ZNF892: variants seen among roughly 807,000 people sequenced by gnomAD.
The protein encoded by ZNF892 is zinc finger protein 892.
the ZNF892 span, among the ~76,000 whole-genome samples, chr2:95,234,419 C>A: frequency 6.6e-6 from 1 of 152,224 alleles, no homozygotes; most frequent in African/African-American, 2.4e-5. Context: ...CAGAGAAGGT[C>A]CTGCCTCACT....
At chr2:95,211,034 AGATT>A in the ZNF892 span, among the ~76,000 whole-genome samples, 4 of 152,242 alleles carry the variant, frequency 2.6e-5, no homozygotes, top group East Asian at 5.8e-4. Context: ...GGACGCGGGC[AGATT>A]GATCAGGGTC....
chr2:95,250,178 G>A, the ZNF892 span, among the ~76,000 whole-genome samples: 1 of 151,868 alleles, frequency 6.6e-6, no homozygotes, highest in Non-Finnish European at 1.5e-5. Flanking sequence ...TGCAGCAGTT[G>A]GCATATGTCA....
chr2:95,237,944 T>C, the ZNF892 span, among the ~76,000 whole-genome samples: 1 of 152,224 alleles, frequency 6.6e-6, no homozygotes, highest in Non-Finnish European at 1.5e-5. Context: ...GAAGAAAAGT[T>C]TGAAGCTACC....
At chr2:95,255,698 TA>T in the ZNF892 span, among the ~76,000 whole-genome samples, 18 of 152,312 alleles carry the variant, frequency 1.2e-4, no homozygotes, top group African/African-American at 4.1e-4. Flanking sequence ...CTCCCATTAT[TA>T]TTGTGTGGGA....
At chr2:95,250,691 A>G in the ZNF892 span, among the ~76,000 whole-genome samples, 1 of 142,218 alleles carries the variant, frequency 7.0e-6, no homozygotes, top group Admixed American at 7.2e-5. Context: ...ACTATTCATA[A>G]ATTATAAATT....
the ZNF892 span, among the ~76,000 whole-genome samples, chr2:95,218,217 T>G: frequency 1.3e-5 from 2 of 152,246 alleles, no homozygotes; most frequent in Admixed American, 6.5e-5. Flanking sequence ...TTTTGTGATA[T>G]GGATAGAATT....
chr2:95,241,987 CATG>C, the ZNF892 span, among the ~76,000 whole-genome samples: 1 of 152,130 alleles, frequency 6.6e-6, no homozygotes, highest in African/African-American at 2.4e-5. Context: ...CTCTGAGAAA[CATG>C]AGGTTATGTA....
chr2:95,263,196 T>C, the ZNF892 span, among the ~76,000 whole-genome samples: 3 of 152,274 alleles, frequency 2.0e-5, no homozygotes, highest in Middle Eastern at 3.4e-3. Flanking sequence ...TGAGGAGGAT[T>C]GGATGCACCC....
the ZNF892 span, among the ~76,000 whole-genome samples, chr2:95,257,295 A>G: frequency 6.6e-6 from 1 of 152,086 alleles, no homozygotes; most frequent in East Asian, 1.9e-4. Context: ...AACAGTCAGG[A>G]CCCTCAGCTG....
the ZNF892 span, among the ~76,000 whole-genome samples, chr2:95,225,084 G>C: frequency 1.3e-5 from 2 of 152,114 alleles, no homozygotes; most frequent in East Asian, 3.9e-4. Context: ...GCACAAAAGG[G>C]GCTAAGACAT....
At chr2:95,236,716 C>T in the ZNF892 span, among the ~76,000 whole-genome samples, 1 of 152,176 alleles carries the variant, frequency 6.6e-6, no homozygotes, top group Admixed American at 6.5e-5. Context: ...CAGAGTATAA[C>T]AACTGTCTGT....
chr2:95,223,568 T>G, the ZNF892 span, among the ~76,000 whole-genome samples: 1 of 152,040 alleles, frequency 6.6e-6, no homozygotes, highest in Non-Finnish European at 1.5e-5. Context: ...CCAGCTAAAT[T>G]TTTTGCATCT....
chr2:95,227,320 T>TTTTTA, the ZNF892 span, among the ~76,000 whole-genome samples: 1 of 152,042 alleles, frequency 6.6e-6, no homozygotes, highest in Non-Finnish European at 1.5e-5. Flanking sequence ...CATGTGTATT[T>TTTTTA]TTTTATTTTA....
the ZNF892 span, among the ~76,000 whole-genome samples, chr2:95,254,009 A>G: frequency 6.6e-6 from 1 of 152,200 alleles, no homozygotes; most frequent in Non-Finnish European, 1.5e-5. Flanking sequence ...CTAGATATAC[A>G]ATCATGTCAT....
the ZNF892 span, chr2:95,207,542 G>C: frequency 2.9e-6 from 1 of 349,574 alleles, no homozygotes. Context: ...ATGGTTGGCC[G>C]GCGCTAGGCG....
At chr2:95,206,954 T>C in the ZNF892 span, among the ~76,000 whole-genome samples, 2 of 152,208 alleles carry the variant, frequency 1.3e-5, no homozygotes, top group Admixed American at 1.3e-4. Context: ...GGTTAGGGAT[T>C]TCAGCAAGAC....
the ZNF892 span, among the ~76,000 whole-genome samples, chr2:95,218,851 C>G: frequency 6.6e-6 from 1 of 152,130 alleles, no homozygotes; most frequent in South Asian, 2.1e-4. Context: ...GGATTGGGAC[C>G]CCACCTTTAA....
At chr2:95,220,500 CTCTCCACCTT>C in the ZNF892 span, among the ~76,000 whole-genome samples, 1 of 152,158 alleles carries the variant, frequency 6.6e-6, no homozygotes, top group Non-Finnish European at 1.5e-5. Flanking sequence ...AGTCCATTCT[CTCTCCACCTT>C]TTAGAACTTT....
the ZNF892 span, chr2:95,214,295 G>C: frequency 2.0e-5 from 8 of 398,102 alleles, no homozygotes; most frequent in Admixed American, 3.5e-4. Flanking sequence ...TTTTCTCTCA[G>C]TGTAGGAAAT....
Sources: gnomAD v4.1 joint callset for allele counts (sites outside exome capture counted in the v4.1 genomes callset) on GRCh38, gnomAD v4.1.1 for gene constraint, MANE v1.5 for transcripts, NCBI Gene and HGNC (gene_info 2026-07-23, HGNC 2026-07-21) for gene names.